The following MCU variants were observed in gnomAD, a reference collection of about 807,000 sequenced individuals.
The protein encoded by MCU is mitochondrial calcium uniporter.
MCU carries 12 observed loss-of-function variants against 45.2 expected under a neutral mutation model. The observed-to-expected ratio is 0.27, with a 90% CI of 0.17 to 0.43. MCU has a LOEUF of 0.43. Among genes scored for constraint, MCU ranks in the 20% least tolerant of loss-of-function variants. MCU has a pLI of 1.00. For missense variants in MCU, 324 were observed against 436.7 expected (o/e 0.74, Z 2.30); for synonymous variants, 160 against 165.1 (o/e 0.97, Z 0.24).
chr10:72,713,635 G>A (rs1283773204), intron 1 of MCU, among the ~76,000 whole-genome samples: 1 of 152,158 alleles, frequency 6.6e-6, no homozygotes. Flanking sequence ...GGAGATAGTG[G>A]TATGTGAAAG....
intron 1 of MCU, among the ~76,000 whole-genome samples, chr10:72,719,506 G>A (rs1179210946): frequency 6.6e-6 from 1 of 152,178 alleles, no homozygotes; most frequent in Non-Finnish European, 1.5e-5. Flanking sequence ...GAATATTCAT[G>A]TGTTTACGAG....
In MCU at chr10:72,885,857, C is replaced by T; in HGVS notation, c.*35C>T. 6.4e-7 allele frequency: 1 copy of T among 1,553,080 alleles called. No individual in the cohort carries two copies. The highest frequency in any genetic ancestry group is 2.2e-5 in the East Asian group (1 of 44,592). On this transcript the variant is annotated 3_prime_UTR_variant, in exon 8 of 8. Transcript: ENST00000373053. Reference sequence around the variant, plus strand: ...AGCCTCTGAATCCTGGCAGAAGGAACACCTGTTTGCCTTTTTAATTAAAGC... The same window carrying T: ...AGCCTCTGAATCCTGGCAGAAGGAATACCTGTTTGCCTTTTTAATTAAAGC...
Position 72,742,036 on chromosome 10 carries a change from A to C in MCU, c.150+49735A>C, listed in dbSNP as rs1027103443. ...AGACTCCGTCTCAAAAAAAAAAAAA[A>C]AAAAAAAAACAAAAACGACATTGCA... is the stretch of plus-strand genomic sequence containing the variant. On this transcript the variant is annotated intron_variant, in intron 1 of 7. Coordinates refer to ENST00000373053, the MANE Select transcript of MCU (RefSeq NM_138357.3). 5.9e-5 allele frequency among the ~76,000 whole-genome samples: 9 copies of C among 151,776 alleles called. No homozygotes were observed. In the South Asian group the frequency reaches 6.2e-4, roughly 11 times the overall value.
At chr10:72,880,708 G>A (rs112660204) in intron 6 of MCU, among the ~76,000 whole-genome samples, 3 of 152,172 alleles carry the variant, frequency 2.0e-5, no homozygotes, top group African/African-American at 7.2e-5. Flanking sequence ...TGGGTAAGAG[G>A]ATTTGCTCTA....
At chr10:72,755,676 C>T (rs1327689011) in intron 1 of MCU, among the ~76,000 whole-genome samples, 1 of 152,102 alleles carries the variant, frequency 6.6e-6, no homozygotes, top group Non-Finnish European at 1.5e-5. Context: ...CACTTGTAGC[C>T]TGTAATTCAA....
intron 1 of MCU, among the ~76,000 whole-genome samples, chr10:72,727,988 G>GA (rs1244396598): frequency 1.3e-5 from 2 of 151,768 alleles, no homozygotes; most frequent in East Asian, 1.9e-4. Context: ...ACTTAGCCAG[G>GA]AAAAATGCCC....
intron 1 of MCU, among the ~76,000 whole-genome samples, chr10:72,702,888 A>G (rs377018550): frequency 1.3e-5 from 2 of 152,184 alleles, no homozygotes; most frequent in East Asian, 3.9e-4. Flanking sequence ...CTGAGGCAGG[A>G]GAATCACTTG....
chr10:72,793,477 G>A (rs936088205), intron 1 of MCU, among the ~76,000 whole-genome samples: 1 of 152,050 alleles, frequency 6.6e-6, no homozygotes, highest in African/African-American at 2.4e-5. Context: ...GAATATACTG[G>A]GTTCTGGTTA....
chr10:72,882,490 A>G (rs942784709), intron 6 of MCU, among the ~76,000 whole-genome samples: 1 of 152,290 alleles, frequency 6.6e-6, no homozygotes, highest in African/African-American at 2.4e-5. Context: ...TTGGGTCTCT[A>G]AAATGGCCCC....
At chr10:72,733,860 A>G (rs995504835) in intron 1 of MCU, among the ~76,000 whole-genome samples, 2 of 151,746 alleles carry the variant, frequency 1.3e-5, no homozygotes, top group Non-Finnish European at 2.9e-5. Context: ...TTAACTTTTT[A>G]TTATGATGGT....
chr10:72,728,934 C>CT (rs980980873), intron 1 of MCU, among the ~76,000 whole-genome samples: 6 of 152,114 alleles, frequency 3.9e-5, no homozygotes, highest in African/African-American at 1.4e-4. Context: ...ACTAGAAAGA[C>CT]TATGTTTCCA....
intron 1 of MCU, among the ~76,000 whole-genome samples, chr10:72,721,779 G>A (rs559845413): frequency 2.0e-5 from 3 of 152,092 alleles, no homozygotes; most frequent in Non-Finnish European, 2.9e-5. Context: ...CCTTGCTGTA[G>A]TGATGCATTA....
rs544419818 is a variant in MCU, at chr10:72,743,014, G to T, written c.150+50713G>T. Among the ~76,000 whole-genome samples the T allele has an allele frequency of 8.6e-5, 13 of 152,002 alleles. No homozygotes were observed. In the South Asian group the frequency reaches 2.7e-3, roughly 32 times the overall value. ...GTGTGTGAGAGAGTGAAGTGAGAGA[G>T]TATGAGAGAGAGGGTGAGGGGGAGA... On this transcript the variant is annotated intron_variant, in intron 1 of 7. Transcript: ENST00000373053.
At chr10:72,841,406 T>C (rs1164935681) in intron 2 of MCU, among the ~76,000 whole-genome samples, 5 of 152,138 alleles carry the variant, frequency 3.3e-5, no homozygotes, top group African/African-American at 1.2e-4. Context: ...CAAGTGATTC[T>C]CCTGCCTCAG....
At chr10:72,827,897 A>G (rs1844821606) in intron 1 of MCU, among the ~76,000 whole-genome samples, 1 of 152,204 alleles carries the variant, frequency 6.6e-6, no homozygotes. Context: ...TCCAATGTCC[A>G]GGGTTTAAAG....
chr10:72,741,794 C>A (rs981312204), intron 1 of MCU, among the ~76,000 whole-genome samples: 1 of 152,016 alleles, frequency 6.6e-6, no homozygotes, highest in African/African-American at 2.4e-5. Flanking sequence ...TTTGGGAGGC[C>A]GAGGCGGGTG....
intron 1 of MCU, among the ~76,000 whole-genome samples, chr10:72,768,732 A>T (rs891913260): frequency 6.6e-6 from 1 of 152,240 alleles, no homozygotes; most frequent in African/African-American, 2.4e-5. Context: ...ATGCTTTGTC[A>T]TGCAATTTCT....
At position 72,884,399 on chromosome 10, in the gene MCU, TTAAAA is replaced by T. The variant is rs1845748977; in HGVS notation, c.978+22_978+26del. On this transcript the variant is annotated intron_variant, in intron 7 of 7. Coordinates refer to ENST00000373053, the MANE Select transcript of MCU (RefSeq NM_138357.3). The stretch of plus-strand genomic sequence containing the variant: ...ATTGCTCAGGTAAGTTTTACAAAAA[TTAAAA>T]TAAATCCCAGCCCTATCTTGCATGG... 3.6e-6 allele frequency: 5 copies of T among 1,382,768 alleles called. No homozygotes were observed. In the South Asian group the frequency reaches 5.8e-5, roughly 16 times the overall value. 85.7% of individuals were successfully genotyped at this position (1,382,768 alleles called of 1,614,324 possible).
At chr10:72,855,176 T>A (rs1277520028) in intron 2 of MCU, among the ~76,000 whole-genome samples, 1 of 151,676 alleles carries the variant, frequency 6.6e-6, no homozygotes, top group Non-Finnish European at 1.5e-5. Flanking sequence ...GAGGTGGAGG[T>A]TGCAGTGAGC....
Sources: allele counts gnomAD v4.1 joint callset (sites outside exome capture counted in the v4.1 genomes callset), GRCh38; gene constraint gnomAD v4.1.1; transcripts MANE v1.5; gene names NCBI Gene and HGNC (gene_info 2026-07-23, HGNC 2026-07-21).